NMNAT3: variants seen among roughly 807,000 people sequenced by gnomAD.
The protein encoded by NMNAT3 is nicotinamide/nicotinic acid mononucleotide adenylyltransferase 3.
In NMNAT3, 21 loss-of-function variants were observed where a neutral mutation model predicts 24.8. That is an observed-to-expected ratio of 0.85 (90% CI 0.60 to 1.22). NMNAT3 has a LOEUF of 1.22. NMNAT3 is among the 50% of genes most tolerant of loss of function. The pLI is 0.00. For missense variants in NMNAT3, 387 were observed against 436.6 expected (o/e 0.89, Z 1.01); for synonymous variants, 136 against 155.2 (o/e 0.88, Z 0.92).
intron 1 of NMNAT3, among the ~76,000 whole-genome samples, chr3:139,664,648 C>A (rs1357913372): frequency 6.6e-6 from 1 of 152,042 alleles, no homozygotes; most frequent in Non-Finnish European, 1.5e-5. Flanking sequence ...GTGTTGATTC[C>A]CCAAAACATT....
At chr3:139,618,704 A>C (rs534590412) in intron 3 of NMNAT3, among the ~76,000 whole-genome samples, 3 of 152,364 alleles carry the variant, frequency 2.0e-5, no homozygotes, top group Non-Finnish European at 2.9e-5. Flanking sequence ...TTTCATTCAG[A>C]CTTAATCATG....
intron 6 of NMNAT3, chr3:139,569,569 C>G (rs1333385422): frequency 1.3e-5 from 2 of 152,118 alleles, no homozygotes; most frequent in Admixed American, 6.5e-5. Context: ...ATTTGCTTGT[C>G]TGTAAAGGGT....
At chr3:139,593,136 A>C (rs1343242225) in intron 3 of NMNAT3, among the ~76,000 whole-genome samples, 2 of 152,200 alleles carry the variant, frequency 1.3e-5, no homozygotes, top group Non-Finnish European at 2.9e-5. Context: ...TCTACCAAGC[A>C]AATGGAAAAC....
intron 1 of NMNAT3, among the ~76,000 whole-genome samples, chr3:139,639,060 T>A (rs2056607211): frequency 6.6e-6 from 1 of 152,214 alleles, no homozygotes; most frequent in Non-Finnish European, 1.5e-5. Flanking sequence ...CCTTCCAAGC[T>A]AAGTTGGGTC....
intron 1 of NMNAT3, among the ~76,000 whole-genome samples, chr3:139,664,308 C>T (rs1429211276): frequency 6.6e-6 from 1 of 152,180 alleles, no homozygotes; most frequent in African/African-American, 2.4e-5. Flanking sequence ...TGTGGTCCTG[C>T]AACACCTTCG....
chr3:139,631,438 C>T (rs768155787), intron 2 of NMNAT3, among the ~76,000 whole-genome samples: 15 of 152,130 alleles, frequency 9.9e-5, no homozygotes, highest in Admixed American at 2.6e-4. Flanking sequence ...CCCATCTGCC[C>T]TTATCATCTA....
chr3:139,629,538 GA>G (rs1163119585), intron 2 of NMNAT3, among the ~76,000 whole-genome samples: 1 of 152,200 alleles, frequency 6.6e-6, no homozygotes, highest in Non-Finnish European at 1.5e-5. Flanking sequence ...AAACCAATGG[GA>G]GGAATGCATT....
At chr3:139,596,952 ATATATATATATATT>A (rs1181099852) in intron 3 of NMNAT3, among the ~76,000 whole-genome samples, 8 of 83,360 alleles carry the variant, frequency 9.6e-5, no homozygotes, top group Non-Finnish European at 1.6e-4. Context: ...ATATATATAT[ATATATATATATATT>A]TTTATTACAT....
intron 3 of NMNAT3, among the ~76,000 whole-genome samples, chr3:139,607,802 C>T (rs1052426182): frequency 3.9e-5 from 6 of 152,158 alleles, no homozygotes; most frequent in East Asian, 1.9e-4. Flanking sequence ...CCCATCTACC[C>T]GTTGTAAGCC....
At chr3:139,599,969 C>G (rs1283200464) in intron 3 of NMNAT3, among the ~76,000 whole-genome samples, 1 of 152,196 alleles carries the variant, frequency 6.6e-6, no homozygotes, top group Non-Finnish European at 1.5e-5. Flanking sequence ...AGTCGGCCAG[C>G]TGGGACCACG....
Position 139,632,538 on chromosome 3 carries a change from G to A in NMNAT3, c.-40-4774C>T, listed in dbSNP as rs115504542. On this transcript the variant is annotated intron_variant, in intron 2 of 6. Coordinates refer to ENST00000643695, the MANE Select transcript of NMNAT3 (RefSeq NM_001320510.2). ...CTCACTGCACTGGTTTTCAGAGTCCGTCCAGTTTCTCTACAACAGCCTGGT... is the reference window on the plus strand; with the variant it reads ...CTCACTGCACTGGTTTTCAGAGTCCATCCAGTTTCTCTACAACAGCCTGGT... Among the ~76,000 whole-genome samples, 1,037 of 152,262 alleles carry A rather than the reference G, an allele frequency of 6.8e-3. 12 individuals carry two copies. Among genetic ancestry groups the A allele is most frequent in the African/African-American group, 0.024 (978 of 41,552 alleles).
intron 5 of NMNAT3, chr3:139,576,240 A>G: frequency 2.0e-6 from 2 of 984,874 alleles, no homozygotes; most frequent in South Asian, 9.4e-5. Flanking sequence ...TTTCAGTCTT[A>G]AAAAACTTTG....
intron 1 of NMNAT3, among the ~76,000 whole-genome samples, chr3:139,648,560 C>G (rs2056947408): frequency 6.6e-6 from 1 of 152,196 alleles, no homozygotes; most frequent in Admixed American, 6.5e-5. Context: ...ATTTAAGAAA[C>G]TTTCTATAAA....
At chr3:139,594,805 C>T (rs1203910906) in intron 3 of NMNAT3, among the ~76,000 whole-genome samples, 7 of 152,254 alleles carry the variant, frequency 4.6e-5, no homozygotes, top group African/African-American at 7.2e-5. Flanking sequence ...ATTGATGAGA[C>T]GTATCTCAAA....
At chr3:139,640,946 C>T (rs1477121915) in intron 1 of NMNAT3, among the ~76,000 whole-genome samples, 1 of 152,162 alleles carries the variant, frequency 6.6e-6, no homozygotes, top group Non-Finnish European at 1.5e-5. Context: ...CTGAGTTCAT[C>T]CAACATATAT....
Position 139,654,598 on chromosome 3 carries a change from C to T in NMNAT3, c.-140-16536G>A, listed in dbSNP as rs554044024. On this transcript the variant is annotated intron_variant, in intron 1 of 6. Coordinates refer to ENST00000643695, the MANE Select transcript of NMNAT3 (RefSeq NM_001320510.2). ...ATTATGTTTCTAGGGCCAATTTTGC[C>T]TTTGATGTGAAAAATGGGCAGGACT... 3.9e-5 allele frequency among the ~76,000 whole-genome samples: 6 copies of T among 152,262 alleles called. No individual in the cohort carries two copies. The South Asian group carries it at 1.2e-3, about 32-fold the overall frequency.
At chr3:139,675,626 T>C (rs943342235) in intron 1 of NMNAT3, among the ~76,000 whole-genome samples, 1 of 152,146 alleles carries the variant, frequency 6.6e-6, no homozygotes, top group Non-Finnish European at 1.5e-5. Flanking sequence ...TCTAACCCCC[T>C]GACTAATCAC....
At chr3:139,567,164 T>C (rs1246165629) in intron 6 of NMNAT3, 1 of 152,222 alleles carries the variant, frequency 6.6e-6, no homozygotes, top group African/African-American at 2.4e-5. Flanking sequence ...GCTGTTTGTC[T>C]GTTATTGGTG....
chr3:139,612,538 A>C (rs188220939), intron 3 of NMNAT3, among the ~76,000 whole-genome samples: 1 of 152,298 alleles, frequency 6.6e-6, no homozygotes, highest in African/African-American at 2.4e-5. Flanking sequence ...ACCAGGTTGC[A>C]GGCAGGTAGT....
Sources: gnomAD v4.1 joint callset for allele counts (sites outside exome capture counted in the v4.1 genomes callset) on GRCh38, gnomAD v4.1.1 for gene constraint, MANE v1.5 for transcripts, NCBI Gene and HGNC (gene_info 2026-07-23, HGNC 2026-07-21) for gene names.